The following SLC3A1 variants were observed in gnomAD, a reference collection of about 807,000 sequenced individuals.
SLC3A1 encodes the protein solute carrier family 3 member 1.
Under a neutral mutation model 60.3 loss-of-function variants are expected in SLC3A1, and 78 were observed. That is an observed-to-expected ratio of 1.29 (90% confidence interval 1.08 to 1.56). The LOEUF is 1.56. Ranked by LOEUF, SLC3A1 falls within the 40% of genes most tolerant of loss-of-function variation. The pLI is 0.00. For missense variants in SLC3A1, 1,172 were observed against 858.9 expected, an observed-to-expected ratio of 1.36 and a Z score of -4.56; for synonymous variants, 392 against 307.9, an observed-to-expected ratio of 1.27 and a Z score of -2.86.
intron 9 of SLC3A1, chr2:44,314,586 C>T (rs2005203): frequency 0.62 from 96,070 of 154,356 alleles, 30,085 homozygotes; most frequent in Non-Finnish European, 0.67. Context: ...TGCATAGCAC[C>T]CTCTGCCACA....
chr2:44,288,958 C>T (rs981456378), intron 4 of SLC3A1, among the ~76,000 whole-genome samples: 1 of 151,908 alleles, frequency 6.6e-6, no homozygotes, highest in Non-Finnish European at 1.5e-5. Context: ...CCTCAGCTTC[C>T]TGAGTACCTG....
chr2:44,289,758 G>A (rs1209781534), intron 4 of SLC3A1, among the ~76,000 whole-genome samples: 1 of 152,116 alleles, frequency 6.6e-6, no homozygotes, highest in African/African-American at 2.4e-5. Context: ...AGCCTCCTGA[G>A]TAGCTGGGAT....
At chr2:44,295,310 G>A (rs539310482) in intron 4 of SLC3A1, among the ~76,000 whole-genome samples, 100 of 152,304 alleles carry the variant, frequency 6.6e-4, no homozygotes, top group Non-Finnish European at 1.3e-3. Context: ...GAGTCAGACA[G>A]GAGTCAAGGA....
intron 9 of SLC3A1, chr2:44,316,523 TAAC>T (rs1377003273): frequency 1.3e-5 from 2 of 152,240 alleles, no homozygotes; most frequent in African/African-American, 2.4e-5. Context: ...GTACATGCAG[TAAC>T]AACAATTGCA....
chr2:44,293,063 G>A (rs1168696552), intron 4 of SLC3A1, among the ~76,000 whole-genome samples: 1 of 152,072 alleles, frequency 6.6e-6, no homozygotes, highest in East Asian at 1.9e-4. Context: ...TCAGGGCTCT[G>A]AGAGGAGTCC....
At chr2:44,298,481 C>T (rs928305503) in intron 4 of SLC3A1, among the ~76,000 whole-genome samples, 11 of 152,218 alleles carry the variant, frequency 7.2e-5, no homozygotes, top group African/African-American at 2.6e-4. Flanking sequence ...TAGGTTCAAG[C>T]AATTCTCATG....
intron 9 of SLC3A1, 68 bp from the exon 10 acceptor site, chr2:44,320,131 A>T: frequency 7.3e-7 from 1 of 1,373,052 alleles, no homozygotes; most frequent in Non-Finnish European, 1.0e-6. Context: ...TCCTTACAAT[A>T]TATTAAAAAT....
At chr2:44,303,128 G>T (rs569374460) in intron 6 of SLC3A1, among the ~76,000 whole-genome samples, 10 of 151,916 alleles carry the variant, frequency 6.6e-5, no homozygotes, top group South Asian at 6.2e-4. Flanking sequence ...TTGCACCTGG[G>T]AGGTGGAGGT....
At chr2:44,289,975 G>A (rs115495318) in intron 4 of SLC3A1, among the ~76,000 whole-genome samples, 258 of 152,110 alleles carry the variant, frequency 1.7e-3, no homozygotes, top group African/African-American at 5.7e-3. Flanking sequence ...CTTTAGTGTC[G>A]TATCTAAGAA....
chr2:44,288,162 G>A lies in SLC3A1; in HGVS notation c.891+2005G>A, dbSNP rs1295952312. On this transcript the variant is annotated intron_variant, in intron 4 of 9. Transcript: ENST00000260649. ...CCTGCCTCAGCCTCCGAGTAGCTGG[G>A]ACTACAGGCATGTACCACCATGCCC... Among the ~76,000 whole-genome samples the A allele has an allele frequency of 2.0e-5, 3 of 152,104 alleles. No homozygotes were observed. In the South Asian group the frequency reaches 6.2e-4, roughly 32 times the overall value.
rs1671995378 is a variant in SLC3A1 at position 44,301,126 on chromosome 2, A to G, written c.1135A>G (p.Arg379Gly). 6.2e-7 allele frequency: 1 copy of G among 1,609,694 alleles called. No individual in the cohort carries two copies. Residue 379 changes from arginine (R) to glycine (G), a missense_variant and splice_region_variant, in exon 6 of 10, where the codon AGG becomes GGG. By Grantham distance (125) the Arg-to-Gly change is moderately radical (BLOSUM62 -2). Coordinates refer to ENST00000260649, the MANE Select transcript of SLC3A1 (RefSeq NM_000341.4). ...ATACAGCACGGAGCCCGGCAGATAC[A>G]GGTTGACCACGGCATATGCTCTCAT... Reference protein sequence around the residue: ...DQYSTEPGRYRFMGTEAYAES... With the variant: ...DQYSTEPGRYGFMGTEAYAES...
chr2:44,307,183 G>A (rs1050076332), intron 7 of SLC3A1, among the ~76,000 whole-genome samples: 1 of 152,134 alleles, frequency 6.6e-6, no homozygotes, highest in Non-Finnish European at 1.5e-5. Context: ...TCAGTACATC[G>A]TTCCTTTTTA....
At chr2:44,290,618 T>G (rs1572797006) in intron 4 of SLC3A1, among the ~76,000 whole-genome samples, 1 of 152,188 alleles carries the variant, frequency 6.6e-6, no homozygotes, top group East Asian at 1.9e-4. Flanking sequence ...GTTTTGCAGT[T>G]CTCAGAGTAC....
rs141244879 is a variant in SLC3A1 at position 44,279,567 on chromosome 2, C to T, written c.431-1149C>T. Among the ~76,000 whole-genome samples, 3 of 152,082 alleles carry T rather than the reference C, an allele frequency of 2.0e-5. No individual in the cohort carries two copies. The East Asian group carries it at 5.8e-4, about 29-fold the overall frequency. On this transcript the variant is annotated intron_variant, in intron 1 of 9. Transcript: ENST00000260649. The stretch of plus-strand genomic sequence containing the variant: ...GCAGACACTTCCGAGACCAACACCG[C>T]CCAAAAGAAATACAATGGGAGCCAC...
At chr2:44,315,503 C>CA (rs11324145) in intron 9 of SLC3A1, among the ~76,000 whole-genome samples, 4,490 of 132,672 alleles carry the variant, frequency 0.034, 222 homozygotes, top group East Asian at 0.16. Context: ...CTACCCCCGC[C>CA]AAAAAAAAAA....
chr2:44,281,652 A>G (rs1230238190), intron 3 of SLC3A1, 111 bp downstream of exon 3: 1 of 981,302 alleles, frequency 1.0e-6, no homozygotes, highest in East Asian at 2.5e-5. Flanking sequence ...AGTTTATCGG[A>G]AGGGGGCAAG....
chr2:44,304,435 A>G (rs1672100883), intron 7 of SLC3A1, 97 bp downstream of exon 7: 3 of 927,480 alleles, frequency 3.2e-6, no homozygotes, highest in Non-Finnish European at 5.2e-6. Flanking sequence ...CTAAGTGACC[A>G]TCACCTCTGC....
chr2:44,291,033 G>A (rs1156713154), intron 4 of SLC3A1, among the ~76,000 whole-genome samples: 1 of 152,138 alleles, frequency 6.6e-6, no homozygotes. Context: ...TACAGAGAAG[G>A]AAATTGAGGC....
chr2:44,306,666 G>T (rs1488675308), intron 7 of SLC3A1, among the ~76,000 whole-genome samples: 1 of 146,886 alleles, frequency 6.8e-6, no homozygotes, highest in Non-Finnish European at 1.5e-5. Context: ...TAATTCTCCT[G>T]CCTCAGCCTT....
Sources: gnomAD v4.1 joint callset for allele counts (sites outside exome capture counted in the v4.1 genomes callset) on GRCh38, gnomAD v4.1.1 for gene constraint, MANE v1.5 for transcripts, NCBI Gene and HGNC (gene_info 2026-07-23, HGNC 2026-07-21) for gene names.